Variants in EPHX4 observed in about 807,000 individuals in gnomAD.
EPHX4 encodes epoxide hydrolase 4.
Under a neutral mutation model 44.9 loss-of-function variants are expected in EPHX4, and 31 were observed. The observed-to-expected ratio is 0.69, with a 90% CI of 0.52 to 0.93. EPHX4 has a LOEUF of 0.93. Ranked by LOEUF, EPHX4 falls within the 40% of genes least tolerant of loss-of-function variation. The pLI is 0.00. For synonymous variants in EPHX4, 151 were observed against 159.7 expected (o/e 0.95, Z 0.41); for missense variants, 373 against 438.1 (o/e 0.85, Z 1.33).
chr1:92,047,635 TA>T (rs1302602070), intron 4 of EPHX4, among the ~76,000 whole-genome samples: 1 of 152,228 alleles, frequency 6.6e-6, no homozygotes, highest in Non-Finnish European at 1.5e-5. Flanking sequence ...TAATTAAATG[TA>T]ATTAATTAGT....
At chr1:92,041,485 A>T (rs1247695332) in intron 2 of EPHX4, among the ~76,000 whole-genome samples, 1 of 152,128 alleles carries the variant, frequency 6.6e-6, no homozygotes, top group Non-Finnish European at 1.5e-5. Flanking sequence ...AGAAATATAA[A>T]ATTTCATCTA....
chr1:92,040,179 T>TC (rs1285598445), intron 2 of EPHX4, among the ~76,000 whole-genome samples: 1 of 144,488 alleles, frequency 6.9e-6, no homozygotes, highest in Non-Finnish European at 1.5e-5. Context: ...TACAATGATT[T>TC]TTTTTTTTTT....
At chr1:92,053,729 A>G (rs1647303717) in intron 6 of EPHX4, among the ~76,000 whole-genome samples, 1 of 152,190 alleles carries the variant, frequency 6.6e-6, no homozygotes, top group Non-Finnish European at 1.5e-5. Flanking sequence ...GATTTCTGGC[A>G]TGTGCAGCAG....
chr1:92,035,469 A>C (rs1481750044), intron 2 of EPHX4, among the ~76,000 whole-genome samples: 1 of 152,234 alleles, frequency 6.6e-6, no homozygotes, highest in Non-Finnish European at 1.5e-5. Context: ...ACGTGGCCCC[A>C]GTGAATATTC....
chr1:92,054,281 A>G (rs1230448241), intron 6 of EPHX4, among the ~76,000 whole-genome samples: 1 of 152,160 alleles, frequency 6.6e-6, no homozygotes, highest in African/African-American at 2.4e-5. Context: ...GAAGTCCCCT[A>G]AAGATGAGTT....
Position 92,045,631 on chromosome 1 carries a change from T to A in EPHX4, c.575T>A (p.Ile192Asn), listed in dbSNP as rs971876940. The change falls in exon 4 of 7, where the codon ATT becomes AAT. Residue 192 changes from isoleucine to asparagine, a missense_variant. Coordinates refer to ENST00000370383, the MANE Select transcript of EPHX4 (RefSeq NM_173567.5). Reference protein sequence around the residue: ...YPEMVMKLIVINFPHPNVFTE... With the variant: ...YPEMVMKLIVNNFPHPNVFTE... ...GAAATGGTGATGAAGCTTATTGTTA[T>A]TAACTTCCCTCATCCAAATGTATTT... 1.9e-6 allele frequency: 3 copies of A among 1,614,102 alleles called. No homozygotes were observed. Among genetic ancestry groups the A allele is most frequent in the Non-Finnish European group, 2.5e-6 (3 of 1,179,984 alleles).
At chr1:92,054,510 C>T (rs1261183021) in intron 6 of EPHX4, among the ~76,000 whole-genome samples, 1 of 150,892 alleles carries the variant, frequency 6.6e-6, no homozygotes, top group Non-Finnish European at 1.5e-5. Context: ...ATCGCTTGAA[C>T]CTGGGAGGCG....
At chr1:92,035,656 A>C (rs558553420) in intron 2 of EPHX4, among the ~76,000 whole-genome samples, 1 of 152,246 alleles carries the variant, frequency 6.6e-6, no homozygotes, top group South Asian at 2.1e-4. Context: ...CAGGACATGC[A>C]GGTTTGTTAC....
At position 92,032,443 on chromosome 1, in the gene EPHX4, T is replaced by A. The variant is rs150574491; in HGVS notation, c.232-62T>A. 187 of 1,253,372 alleles carry A rather than the reference T, an allele frequency of 1.5e-4. No individual in the cohort carries two copies. In the African/African-American group the frequency reaches 2.5e-3, roughly 17 times the overall value. The allele number at this position is 1,253,372 out of a possible 1,614,324, so 77.6% of individuals were successfully genotyped here. Reference sequence around the variant, plus strand: ...TATTTTTTTAATGAAATGGAAATGCTAAATATATTGCTTTGTCAATCAACA... The same window carrying A: ...TATTTTTTTAATGAAATGGAAATGCAAAATATATTGCTTTGTCAATCAACA... On this transcript the variant is annotated intron_variant, in intron 1 of 6. Transcript: ENST00000370383.
At chr1:92,046,252 A>C (rs535774095) in intron 4 of EPHX4, among the ~76,000 whole-genome samples, 1 of 152,332 alleles carries the variant, frequency 6.6e-6, no homozygotes, top group African/African-American at 2.4e-5. Context: ...CCAAAACAAA[A>C]TTTTAGTGAA....
Position 92,063,394 on chromosome 1 carries a change from C to A in EPHX4, c.*108C>A. 1.2e-6 allele frequency: 1 copy of A among 808,048 alleles called. No homozygotes were observed. The allele number at this position is 808,048 out of a possible 1,614,324, so 50.1% of individuals were successfully genotyped here. ...ATTAGAAAAAAACTGTTTTAATGTG[C>A]TTTATCATAAATAAATATCCTGACA... On this transcript the variant is annotated 3_prime_UTR_variant, in exon 7 of 7. Transcript: ENST00000370383.
At chr1:92,057,113 T>C (rs1647385908) in intron 6 of EPHX4, among the ~76,000 whole-genome samples, 1 of 151,824 alleles carries the variant, frequency 6.6e-6, no homozygotes, top group Admixed American at 6.6e-5. Flanking sequence ...GAGATAAGAG[T>C]TCAACTTAAG....
At chr1:92,056,719 G>A (rs896326442) in intron 6 of EPHX4, among the ~76,000 whole-genome samples, 16 of 150,456 alleles carry the variant, frequency 1.1e-4, no homozygotes, top group African/African-American at 2.7e-4. Flanking sequence ...GGGCTTAAGC[G>A]ATCCTCCCAC....
intron 5 of EPHX4, among the ~76,000 whole-genome samples, chr1:92,051,456 A>AT (rs1013450661): frequency 3.3e-5 from 5 of 150,888 alleles, no homozygotes; most frequent in South Asian, 4.2e-4. Context: ...TTTTTTTCTA[A>AT]TTTTTTTTTA....
chr1:92,045,506 T>C (rs1688570694), intron 3 of EPHX4, 26 bp from the exon 4 acceptor site: 2 of 1,612,568 alleles, frequency 1.2e-6, no homozygotes, highest in Admixed American at 3.3e-5. Flanking sequence ...TTTTTAATGA[T>C]GTCAACATTT....
intron 1 of EPHX4, 77 bp downstream of exon 1, chr1:92,030,387 T>C: frequency 1.5e-6 from 2 of 1,310,500 alleles, no homozygotes; most frequent in South Asian, 3.1e-5. Context: ...GGGCTTCTCC[T>C]TCCGAGACGC....
intron 2 of EPHX4, among the ~76,000 whole-genome samples, chr1:92,033,604 C>T (rs1346350142): frequency 6.6e-6 from 1 of 152,058 alleles, no homozygotes; most frequent in Non-Finnish European, 1.5e-5. Context: ...TATATGAATG[C>T]AGGATAATTT....
intron 5 of EPHX4, 106 bp downstream of exon 5, chr1:92,050,526 A>T (rs1453150814): frequency 4.5e-6 from 3 of 659,428 alleles, no homozygotes; most frequent in Admixed American, 3.6e-5. Flanking sequence ...GGAAATTATT[A>T]TAACTTAAAT....
Position 92,045,521 on chromosome 1 carries a change from C to A in EPHX4, c.476-11C>A. ...TTTTTAATGATGTCAACATTTATTTCTTGTTTACAGGGTATAGCAAATGTG... is the reference window on the plus strand; with the variant it reads ...TTTTTAATGATGTCAACATTTATTTATTGTTTACAGGGTATAGCAAATGTG... On this transcript the variant is annotated splice_polypyrimidine_tract_variant and intron_variant, in intron 3 of 6. Coordinates refer to ENST00000370383, the MANE Select transcript of EPHX4 (RefSeq NM_173567.5). The A allele has an allele frequency of 6.2e-7, 1 of 1,612,734 alleles. No homozygotes were observed.
Sources: allele counts gnomAD v4.1 joint callset (sites outside exome capture counted in the v4.1 genomes callset), GRCh38; gene constraint gnomAD v4.1.1; transcripts MANE v1.5; gene names NCBI Gene and HGNC (gene_info 2026-07-23, HGNC 2026-07-21).